Variants in L2HGDH observed in about 807,000 individuals in gnomAD.
L2HGDH encodes L-2-hydroxyglutarate dehydrogenase, mitochondrial.
L2HGDH carries 34 observed loss-of-function variants against 51.5 expected under a neutral mutation model. That is an observed-to-expected ratio of 0.66 (90% CI 0.50 to 0.88). The LOEUF (loss-of-function observed/expected upper bound fraction) is 0.88. L2HGDH is among the 40% of genes least tolerant of loss of function. The pLI, the probability that L2HGDH is intolerant of heterozygous loss-of-function variation, is 0.00. For synonymous variants in L2HGDH, 198 were observed against 197.9 expected (o/e 1.00, Z -0.01); for missense variants, 558 against 571.9 (o/e 0.98, Z 0.25).
At chr14:50,279,696 AAAG>A (rs1007064989) in intron 5 of L2HGDH, among the ~76,000 whole-genome samples, 59 of 152,194 alleles carry the variant, frequency 3.9e-4, no homozygotes, top group African/African-American at 1.3e-3. Flanking sequence ...AAAAAAAAAA[AAAG>A]AAGGAAGAAA....
intron 4 of L2HGDH, among the ~76,000 whole-genome samples, chr14:50,286,869 C>G (rs779744616): frequency 6.6e-6 from 1 of 152,184 alleles, no homozygotes; most frequent in Non-Finnish European, 1.5e-5. Flanking sequence ...AGAGTACCAG[C>G]TCTATCAGAA....
In L2HGDH at chr14:50,247,212, C is replaced by T. The variant is rs1301343948; in HGVS notation, c.1238G>A (p.Gly413Glu). 1 of 1,613,986 alleles carries T rather than the reference C, an allele frequency of 6.2e-7. No individual in the cohort carries two copies. Among genetic ancestry groups the T allele is most frequent in the Non-Finnish European group, 8.5e-7 (1 of 1,180,016 alleles). The change falls in exon 10 of 10, where the codon GGA becomes GAA. Residue 413 changes from glycine to glutamate, a missense_variant. Gly to Glu is a moderately conservative substitution (Grantham distance 98). Coordinates refer to ENST00000267436, the MANE Select transcript of L2HGDH (RefSeq NM_024884.3). Reference sequence around the variant, plus strand: ...AAATACAAAATCTTCTACCAGATTTCCATCTCTATCCAGGGCCTGGGCTCT... The same window carrying T: ...AAATACAAAATCTTCTACCAGATTTTCATCTCTATCCAGGGCCTGGGCTCT... ...GVRAQALDRD[G>E]NLVEDFVFDA...
At chr14:50,271,753 G>A (rs1160756287) in intron 6 of L2HGDH, among the ~76,000 whole-genome samples, 1 of 152,106 alleles carries the variant, frequency 6.6e-6, no homozygotes, top group Non-Finnish European at 1.5e-5. Context: ...AACCATGCAT[G>A]TCTGTTGCTC....
At chr14:50,263,774 C>CTATCT (rs1889179583) in intron 9 of L2HGDH, among the ~76,000 whole-genome samples, 1 of 137,272 alleles carries the variant, frequency 7.3e-6, no homozygotes, top group Non-Finnish European at 1.6e-5. Flanking sequence ...AGCCTTTTAT[C>CTATCT]TTTTTTTTTT....
In L2HGDH at chr14:50,283,712, T is replaced by C. The variant is rs150307979; in HGVS notation, c.703+159A>G. On this transcript the variant is annotated intron_variant, in intron 5 of 9. Transcript: ENST00000267436. The stretch of plus-strand genomic sequence containing the variant: ...CAATGTAAATGCTATTTTTTTGTTA[T>C]ACTATCTTTTTTATTTGTATTATGT... The C allele has an allele frequency of 2.6e-3, 1,621 of 614,424 alleles. 6 individuals are homozygous for C. Among genetic ancestry groups the C allele is most frequent in the Middle Eastern group, 0.018 (41 of 2,284 alleles). The allele number at this position is 614,424 out of a possible 1,614,324, so 38.1% of individuals were successfully genotyped here.
chr14:50,253,286 G>A (rs1888469721), intron 9 of L2HGDH, among the ~76,000 whole-genome samples: 1 of 152,088 alleles, frequency 6.6e-6, no homozygotes, highest in Admixed American at 6.6e-5. Context: ...CTACTCATCT[G>A]ACAAGGGATT....
At position 50,243,456 on chromosome 14, in the gene L2HGDH, A is replaced by G. The variant is rs1180136835; in HGVS notation, c.*3602T>C. The G allele has an allele frequency of 2.4e-6, 2 of 842,720 alleles. No homozygotes were observed. Among genetic ancestry groups the G allele is most frequent in the East Asian group, 1.2e-4 (1 of 8,142 alleles). 52.2% of individuals were successfully genotyped at this position (842,720 alleles called of 1,614,324 possible). ...TGCATAAAAGTTTTTATGGAACTAA[A>G]AAATATGTTCTCTACAACACCAAGG... On this transcript the variant is annotated 3_prime_UTR_variant, in exon 10 of 10. Transcript: ENST00000267436.
Position 50,276,470 on chromosome 14 carries a change from C to CA in L2HGDH, c.738+2049dup, listed in dbSNP as rs397794543. ...GCTATAGATTGAATTGTGCCCCCCCCACCCCAATTCATATGTTGAAGTCCC... is the reference window on the plus strand; with the variant it reads ...GCTATAGATTGAATTGTGCCCCCCCCAACCCCAATTCATATGTTGAAGTCCC... On this transcript the variant is annotated intron_variant, in intron 6 of 9. Transcript: ENST00000267436. Among the ~76,000 whole-genome samples, 21 of 151,736 alleles carry CA rather than the reference C, an allele frequency of 1.4e-4. No individual in the cohort carries two copies. The East Asian group carries it at 3.7e-3, about 27-fold the overall frequency.
chr14:50,282,095 CT>C (rs1890304453), intron 5 of L2HGDH, among the ~76,000 whole-genome samples: 1 of 152,104 alleles, frequency 6.6e-6, no homozygotes, highest in African/African-American at 2.4e-5. Context: ...CCGCCTCGGC[CT>C]CCCAAAGTGC....
chr14:50,244,461 G>A lies in L2HGDH; in HGVS notation c.*2597C>T. On this transcript the variant is annotated 3_prime_UTR_variant, in exon 10 of 10. Transcript: ENST00000267436. ...TTAGTATGTATGCAATCGTACTACT[G>A]ACAAAATACAGAATGATAATATTTT... 4 of 985,042 alleles carry A rather than the reference G, an allele frequency of 4.1e-6. No individual in the cohort carries two copies. Among genetic ancestry groups the A allele is most frequent in the Non-Finnish European group, 4.8e-6 (4 of 829,616 alleles). 61.0% of individuals were successfully genotyped at this position (985,042 alleles called of 1,614,324 possible). A position where few individuals can be genotyped will look rare whatever the true frequency, so the allele number is the denominator to read the frequency against.
intron 9 of L2HGDH, among the ~76,000 whole-genome samples, chr14:50,253,247 C>T (rs1783687086): frequency 6.6e-6 from 1 of 151,990 alleles, no homozygotes; most frequent in East Asian, 1.9e-4. Context: ...GAAGAGACAA[C>T]CCACAGAATG....
chr14:50,288,463 C>T (rs933708569), intron 4 of L2HGDH, among the ~76,000 whole-genome samples: 2 of 152,158 alleles, frequency 1.3e-5, no homozygotes, highest in Non-Finnish European at 2.9e-5. Context: ...ATAAGGAAGT[C>T]TTCTCTGGTT....
chr14:50,276,395 A>C (rs1299873567), intron 6 of L2HGDH, among the ~76,000 whole-genome samples: 3 of 152,220 alleles, frequency 2.0e-5, no homozygotes, highest in Non-Finnish European at 4.4e-5. Flanking sequence ...TCTTTACTTT[A>C]AAATAATACA....
intron 9 of L2HGDH, 40 bp downstream of exon 9, chr14:50,265,318 G>A (rs1270793415): frequency 6.4e-7 from 1 of 1,569,666 alleles, no homozygotes; most frequent in African/African-American, 1.3e-5. Flanking sequence ...AGTTCACATA[G>A]GTCAGGACTG....
intron 9 of L2HGDH, among the ~76,000 whole-genome samples, chr14:50,255,412 T>G (rs1888600628): frequency 6.6e-6 from 1 of 151,566 alleles, no homozygotes; most frequent in Non-Finnish European, 1.5e-5. Flanking sequence ...GGCAGGCACC[T>G]GTAATCCCAG....
intron 4 of L2HGDH, 68 bp downstream of exon 4, chr14:50,294,047 A>C: frequency 6.5e-7 from 1 of 1,549,008 alleles, no homozygotes; most frequent in South Asian, 1.1e-5. Context: ...CCTCCTATAC[A>C]CTCACCCTCA....
chr14:50,301,234 T>C (rs971088260), intron 3 of L2HGDH, among the ~76,000 whole-genome samples: 5 of 152,132 alleles, frequency 3.3e-5, no homozygotes, highest in African/African-American at 1.2e-4. Flanking sequence ...GAATGTAAAA[T>C]AGCACAGAGC....
At chr14:50,264,177 T>C (rs923171554) in intron 9 of L2HGDH, among the ~76,000 whole-genome samples, 2 of 148,800 alleles carry the variant, frequency 1.3e-5, no homozygotes, top group African/African-American at 4.9e-5. Context: ...GTCGGGAGTT[T>C]GAGACCCGCC....
intron 9 of L2HGDH, among the ~76,000 whole-genome samples, chr14:50,254,548 A>G (rs56075103): frequency 0.035 from 5,376 of 152,094 alleles, 165 homozygotes; most frequent in Middle Eastern, 0.059. Flanking sequence ...TGAGTGTCCA[A>G]TGTAAAACTC....
Sources: allele counts gnomAD v4.1 joint callset (sites outside exome capture counted in the v4.1 genomes callset), GRCh38; gene constraint gnomAD v4.1.1; transcripts MANE v1.5; gene names NCBI Gene and HGNC (gene_info 2026-07-23, HGNC 2026-07-21).